The following LINGO1 variants were observed in gnomAD, a reference collection of about 807,000 sequenced individuals.
LINGO1 encodes the protein leucine-rich repeat and immunoglobulin-like domain-containing nogo receptor-interacting protein 1.
A neutral mutation model predicts 37.3 loss-of-function variants in LINGO1; 11 were observed. The ratio of observed to expected loss-of-function variants is 0.29; its 90% CI spans 0.19 to 0.49. LINGO1 has a LOEUF of 0.49. Ranked by LOEUF, LINGO1 falls within the 20% of genes least tolerant of loss-of-function variation. The probability of loss-of-function intolerance (pLI) is 0.99; values close to 1 mark genes in which losing one functional copy is unlikely to be tolerated. For missense variants in LINGO1, 585 were observed against 878.2 expected, an observed-to-expected ratio of 0.67 and a Z score of 4.22; for synonymous variants, 387 against 403.0, an observed-to-expected ratio of 0.96 and a Z score of 0.48.
upstream of LINGO1, among the ~76,000 whole-genome samples, chr15:77,634,793 T>TGCGC (rs1327749634): frequency 3.6e-4 from 51 of 141,628 alleles, no homozygotes; most frequent in African/African-American, 1.3e-3. Context: ...GAGCTACCCG[T>TGCGC]GCGCTCCCGC....
At chr15:77,665,208 C>T (rs1414511973) in intron 3 of LINGO1, among the ~76,000 whole-genome samples, 1 of 152,232 alleles carries the variant, frequency 6.6e-6, no homozygotes, top group Non-Finnish European at 1.5e-5. Flanking sequence ...CAAGCCCTCT[C>T]CTCTGCCAGC....
At chr15:77,819,927 G>C (rs2077084446) in intron 1 of LINGO1, 1 of 150,422 alleles carries the variant, frequency 6.6e-6, no homozygotes, top group African/African-American at 2.5e-5. Flanking sequence ...TCCCTGCCTT[G>C]TCCCACCTGC....
chr15:77,641,970 C>G, intron 3 of LINGO1: 1 of 456,690 alleles, frequency 2.2e-6, no homozygotes, highest in Non-Finnish European at 4.4e-6. Flanking sequence ...AAGTCACCTG[C>G]CCTCTCTGAG....
intron 1 of LINGO1, among the ~76,000 whole-genome samples, chr15:77,748,266 C>G: frequency 6.6e-6 from 1 of 152,258 alleles, no homozygotes; most frequent in Middle Eastern, 3.2e-3. Context: ...TCCTCCTCCT[C>G]CCCACCTTGG....
chr15:77,687,462 CTGAGCCCCTACTA>C (rs1297676122), intron 2 of LINGO1, among the ~76,000 whole-genome samples: 1 of 152,242 alleles, frequency 6.6e-6, no homozygotes, highest in East Asian at 1.9e-4. Context: ...GGCCTGTCTC[CTGAGCCCCTACTA>C]TGCCTGCCTT....
intron 2 of LINGO1, among the ~76,000 whole-genome samples, chr15:77,683,351 C>T (rs1166897532): frequency 6.6e-6 from 1 of 152,188 alleles, no homozygotes; most frequent in Non-Finnish European, 1.5e-5. Context: ...ACCCCGGCCA[C>T]TCGCATCTAG....
intron 3 of LINGO1, chr15:77,647,722 C>T (rs2074666062): frequency 2.6e-6 from 1 of 388,552 alleles, no homozygotes; most frequent in Non-Finnish European, 5.1e-6. Context: ...CACCTCTGTG[C>T]TCCCCCGCCC....
At chr15:77,777,308 G>A (rs191931505) in intron 1 of LINGO1, among the ~76,000 whole-genome samples, 5 of 151,900 alleles carry the variant, frequency 3.3e-5, no homozygotes, top group South Asian at 2.1e-4. Flanking sequence ...GACTTCACAC[G>A]CCACAGCACA....
chr15:77,738,862 C>G (rs12324636), intron 1 of LINGO1, among the ~76,000 whole-genome samples: 8 of 152,098 alleles, frequency 5.3e-5, no homozygotes, highest in Admixed American at 2.0e-4. Context: ...GACTCCGAAG[C>G]CTGTGTTCTT....
chr15:77,728,418 G>T (rs1191176246), intron 2 of LINGO1, among the ~76,000 whole-genome samples: 1 of 152,248 alleles, frequency 6.6e-6, no homozygotes, highest in Non-Finnish European at 1.5e-5. Flanking sequence ...GCTGAGGGCT[G>T]GGGGCTGGGA....
intron 1 of LINGO1, among the ~76,000 whole-genome samples, chr15:77,621,925 C>T (rs1484001978): frequency 6.6e-6 from 1 of 152,194 alleles, no homozygotes; most frequent in Non-Finnish European, 1.5e-5. Context: ...CACAGGCATG[C>T]GATCTGGCAT....
intron 1 of LINGO1, among the ~76,000 whole-genome samples, chr15:77,619,170 T>G (rs2073840731): frequency 6.6e-6 from 1 of 152,080 alleles, no homozygotes; most frequent in African/African-American, 2.4e-5. Flanking sequence ...CATGGGTGTG[T>G]GTGTCTCACC....
At chr15:77,790,614 C>T (rs1419850880), upstream of LINGO1, among the ~76,000 whole-genome samples, 1 of 152,098 alleles carries the variant, frequency 6.6e-6, no homozygotes, top group Admixed American at 6.5e-5. Flanking sequence ...GGGGAGGCCC[C>T]AGGAAGGCAG....
At chr15:77,733,755 C>T (rs1432099227) in intron 2 of LINGO1, among the ~76,000 whole-genome samples, 1 of 152,208 alleles carries the variant, frequency 6.6e-6, no homozygotes, top group African/African-American at 2.4e-5. Context: ...AACCCTCCTC[C>T]ACGCAGTCTG....
chr15:77,783,435 T>A (rs1190419777), intron 1 of LINGO1, among the ~76,000 whole-genome samples: 1 of 152,160 alleles, frequency 6.6e-6, no homozygotes, highest in Non-Finnish European at 1.5e-5. Context: ...CTCCTGCCCC[T>A]ACCTTGGTAG....
rs551636282 is a variant in LINGO1 at position 77,799,359 on chromosome 15, T to G, written c.-457-3306A>C. Among the ~76,000 whole-genome samples the G allele has an allele frequency of 7.2e-5, 11 of 152,318 alleles. No homozygotes were observed. In the South Asian group the frequency reaches 1.7e-3, roughly 23 times the overall value. On this transcript the variant is annotated intron_variant, in intron 1 of 5. Coordinates refer to the LINGO1 transcript ENST00000562933. ...CTCAGAGTTTTAGGTTATGCACTTCTGAGCCATGCTTCTAAGAGACCTCTG... is the reference window on the plus strand; with the variant it reads ...CTCAGAGTTTTAGGTTATGCACTTCGGAGCCATGCTTCTAAGAGACCTCTG...
intron 2 of LINGO1, among the ~76,000 whole-genome samples, chr15:77,705,952 G>T (rs2075847205): frequency 6.6e-6 from 1 of 152,192 alleles, no homozygotes; most frequent in Non-Finnish European, 1.5e-5. Context: ...CTGAGATGGG[G>T]GCCAACAGCT....
chr15:77,662,210 T>G (rs939091517), intron 3 of LINGO1, among the ~76,000 whole-genome samples: 1 of 151,972 alleles, frequency 6.6e-6, no homozygotes, highest in African/African-American at 2.4e-5. Context: ...CCCAGTCAGG[T>G]AGGGTTAGCA....
intron 1 of LINGO1, among the ~76,000 whole-genome samples, chr15:77,816,780 G>C (rs1307090367): frequency 6.6e-6 from 1 of 152,156 alleles, no homozygotes; most frequent in African/African-American, 2.4e-5. Flanking sequence ...TCATTTTGTG[G>C]AGTTGGTTGG....
Sources: allele counts gnomAD v4.1 joint callset (sites outside exome capture counted in the v4.1 genomes callset), GRCh38; gene constraint gnomAD v4.1.1; transcripts MANE v1.5; gene names NCBI Gene and HGNC (gene_info 2026-07-23, HGNC 2026-07-21).